The following KIF27 variants were observed in gnomAD, a reference collection of about 807,000 sequenced individuals.
KIF27 encodes the protein kinesin-like protein KIF27.
KIF27 carries 84 observed loss-of-function variants against 141.8 expected under a neutral mutation model. The ratio of observed to expected loss-of-function variants is 0.59; its 90% CI spans 0.50 to 0.71. KIF27 has a LOEUF of 0.71. KIF27 is among the 30% of genes least tolerant of loss of function. KIF27 has a pLI of 0.00. For missense variants in KIF27, 1,306 were observed against 1,628.4 expected, an observed-to-expected ratio of 0.80 and a Z score of 3.41; for synonymous variants, 471 against 569.5, an observed-to-expected ratio of 0.83 and a Z score of 2.46.
Position 83,880,468 on chromosome 9 carries a change from A to T in KIF27, c.2472T>A (p.Ser824Arg). 6.2e-7 allele frequency: 1 copy of T among 1,612,118 alleles called. No homozygotes were observed. Among genetic ancestry groups the T allele is most frequent in the Non-Finnish European group, 8.5e-7 (1 of 1,179,766 alleles). Residue 824 changes from serine (S) to arginine (R), a missense_variant, in exon 11 of 18, where the codon AGT becomes AGA. Transcript: ENST00000297814. Reference sequence around the variant, plus strand: ...GGATTGACAGTGATGCCAGTTTCTTACTATCTTGTTGCTTCTTCTGCAAGA... The same window carrying T: ...GGATTGACAGTGATGCCAGTTTCTTTCTATCTTGTTGCTTCTTCTGCAAGA... Reference protein sequence around the residue: ...VQVLQKKQQDSKKLASLSIQN... With the variant: ...VQVLQKKQQDRKKLASLSIQN...
intron 17 of KIF27, among the ~76,000 whole-genome samples, chr9:83,841,260 G>C (rs1469308644): frequency 6.6e-6 from 1 of 151,986 alleles, no homozygotes; most frequent in African/African-American, 2.4e-5. Context: ...TAATAGAGAC[G>C]GGGTTTCACC....
At chr9:83,901,650 G>A (rs1953906123) in intron 4 of KIF27, among the ~76,000 whole-genome samples, 1 of 152,094 alleles carries the variant, frequency 6.6e-6, no homozygotes, top group African/African-American at 2.4e-5. Context: ...CGAGGCGGGC[G>A]GATCATGAGG....
At chr9:83,845,257 A>C (rs1298697382) in intron 16 of KIF27, among the ~76,000 whole-genome samples, 1 of 152,184 alleles carries the variant, frequency 6.6e-6, no homozygotes, top group Non-Finnish European at 1.5e-5. Flanking sequence ...TGGAAACTGA[A>C]CGTTTGACTA....
chr9:83,887,554 T>C (rs916701281), intron 8 of KIF27, among the ~76,000 whole-genome samples: 5 of 152,182 alleles, frequency 3.3e-5, no homozygotes, highest in African/African-American at 1.2e-4. Context: ...CTACTTTTAC[T>C]GTAATTGGAG....
At chr9:83,841,218 G>A (rs1260691367) in intron 17 of KIF27, among the ~76,000 whole-genome samples, 1 of 152,068 alleles carries the variant, frequency 6.6e-6, no homozygotes, top group Non-Finnish European at 1.5e-5. Context: ...TTACAGGCAT[G>A]CACCATCACA....
At chr9:83,859,916 T>C (rs1257812442) in intron 13 of KIF27, 1 of 152,162 alleles carries the variant, frequency 6.6e-6, no homozygotes, top group Non-Finnish European at 1.5e-5. Context: ...CTGCCAAGAA[T>C]TGCCTTGACT....
At chr9:83,881,544 C>T (rs1172884505) in intron 10 of KIF27, among the ~76,000 whole-genome samples, 1 of 152,192 alleles carries the variant, frequency 6.6e-6, no homozygotes, top group African/African-American at 2.4e-5. Context: ...ATTTGCACTC[C>T]TCAGCATACT....
intron 4 of KIF27, 48 bp downstream of exon 4, chr9:83,903,012 A>G: frequency 8.5e-7 from 1 of 1,174,032 alleles, no homozygotes; most frequent in Non-Finnish European, 1.2e-6. Flanking sequence ...TACATCTATT[A>G]TGTATCAATA....
At chr9:83,862,816 A>G (rs200736281) in intron 13 of KIF27, among the ~76,000 whole-genome samples, 24,004 of 151,826 alleles carry the variant, frequency 0.16, 2,112 homozygotes, top group African/African-American at 0.23. Flanking sequence ...AGCATGGAAT[A>G]TTCTTCCATT....
chr9:83,917,188 C>T (rs1442879500), intron 1 of KIF27, among the ~76,000 whole-genome samples: 1 of 147,598 alleles, frequency 6.8e-6, no homozygotes, highest in Non-Finnish European at 1.5e-5. Context: ...TGTGGCAGAA[C>T]ACTCTTAAAA....
At chr9:83,846,281 T>C (rs1478791628) in intron 16 of KIF27, among the ~76,000 whole-genome samples, 7 of 152,212 alleles carry the variant, frequency 4.6e-5, no homozygotes, top group Non-Finnish European at 8.8e-5. Context: ...ACTCCGGATG[T>C]GGGTTTGCCT....
At chr9:83,859,618 G>A (rs568410665) in intron 13 of KIF27, 16 of 396,228 alleles carry the variant, frequency 4.0e-5, no homozygotes, top group East Asian at 2.9e-4. Flanking sequence ...TGCAACCTCC[G>A]CTTCCCAGGT....
intron 1 of KIF27, among the ~76,000 whole-genome samples, chr9:83,919,958 A>C (rs1956092956): frequency 6.6e-6 from 1 of 151,468 alleles, no homozygotes; most frequent in Admixed American, 6.6e-5. Context: ...GGGGCCGGGC[A>C]CAGTGGTTCA....
chr9:83,904,169 C>T (rs1176676963), intron 3 of KIF27, 151 bp from the exon 4 acceptor site: 1 of 557,278 alleles, frequency 1.8e-6, no homozygotes, highest in Non-Finnish European at 3.1e-6. Flanking sequence ...TCAGCAACAT[C>T]ATCAAATAAT....
chr9:83,854,009 A>G lies in KIF27; in HGVS notation c.3151-174T>C, dbSNP rs573861871. Among the ~76,000 whole-genome samples, 9 of 152,372 alleles carry G rather than the reference A, an allele frequency of 5.9e-5. No homozygotes were observed. In the South Asian group the frequency reaches 8.3e-4, roughly 14 times the overall value. On this transcript the variant is annotated intron_variant, in intron 14 of 17. Transcript: ENST00000297814. ...GCCACATAATGCAGTGTGTGTATACATGTGTGTATACACACACATAAACAC... is the reference window on the plus strand; with the variant it reads ...GCCACATAATGCAGTGTGTGTATACGTGTGTGTATACACACACATAAACAC...
At chr9:83,891,742 A>G (rs2132381051) in intron 5 of KIF27, among the ~76,000 whole-genome samples, 1 of 152,312 alleles carries the variant, frequency 6.6e-6, no homozygotes, top group African/African-American at 2.4e-5. Context: ...CAAATACTCA[A>G]AGATAACACG....
rs1587858122 is a variant in KIF27, at chr9:83,840,399, T to C, written c.3721+1838A>G. ...TCCTTGGGTAAACTGGTCAGAACAG[T>C]GTTGTTCTCATTTTACACCTCTCCA... On this transcript the variant is annotated intron_variant, in intron 17 of 17. Transcript: ENST00000297814. Among the ~76,000 whole-genome samples the C allele has an allele frequency of 1.3e-5, 2 of 152,160 alleles. 1 individual carries two copies. The highest frequency in any genetic ancestry group is 2.9e-5 in the Non-Finnish European group (2 of 68,020).
chr9:83,875,272 A>T (rs1951122609), intron 11 of KIF27, among the ~76,000 whole-genome samples: 1 of 152,216 alleles, frequency 6.6e-6, no homozygotes, highest in South Asian at 2.1e-4. Flanking sequence ...GGTTCATTGG[A>T]TATGCATAAG....
intron 13 of KIF27, among the ~76,000 whole-genome samples, chr9:83,861,196 T>TATATATAA (rs1949870174): frequency 2.0e-5 from 3 of 151,628 alleles, no homozygotes; most frequent in South Asian, 2.1e-4. Flanking sequence ...TATATATATA[T>TATATATAA]AACTTTAAGT....
Sources: gnomAD v4.1 joint callset for allele counts (sites outside exome capture counted in the v4.1 genomes callset) on GRCh38, gnomAD v4.1.1 for gene constraint, MANE v1.5 for transcripts, NCBI Gene and HGNC (gene_info 2026-07-23, HGNC 2026-07-21) for gene names.